The following CEP192 variants were observed in gnomAD, a reference collection of about 807,000 sequenced individuals.
CEP192 encodes centrosomal protein of 192 kDa.
In CEP192, 151 loss-of-function variants were observed where a neutral mutation model predicts 271.8. That is an observed-to-expected ratio of 0.56 (90% CI 0.49 to 0.64). The LOEUF is 0.64. Among genes scored for constraint, CEP192 ranks in the 30% least tolerant of loss-of-function variants. CEP192 has a pLI of 0.00. For missense variants in CEP192, 2,910 were observed against 3,020.5 expected (o/e 0.96, Z 0.86); for synonymous variants, 995 against 1,076.5 (o/e 0.92, Z 1.48).
At chr18:13,057,288 A>G (rs1334981101) in intron 19 of CEP192, among the ~76,000 whole-genome samples, 1 of 151,738 alleles carries the variant, frequency 6.6e-6, no homozygotes, top group Non-Finnish European at 1.5e-5. Context: ...ATGACTTACA[A>G]TTTATGAGAG....
intron 34 of CEP192, 94 bp from the exon 35 acceptor site, chr18:13,095,409 T>C: frequency 1.1e-6 from 1 of 948,868 alleles, no homozygotes; most frequent in South Asian, 1.6e-5. Context: ...ATGAAGAATA[T>C]AAAAATATGT....
At chr18:13,104,950 T>C (rs780023365) in intron 39 of CEP192, 34 bp from the exon 40 acceptor site, 2 of 1,492,108 alleles carry the variant, frequency 1.3e-6, no homozygotes, top group Middle Eastern at 3.4e-4. Context: ...ATTGGCTTTA[T>C]GGTTTTTAAT....
At chr18:13,034,660 C>CA (rs1289765294) in intron 11 of CEP192, among the ~76,000 whole-genome samples, 2 of 149,854 alleles carry the variant, frequency 1.3e-5, no homozygotes, top group Non-Finnish European at 3.0e-5. Context: ...AAAAAAAATA[C>CA]AAAAAATTAG....
chr18:13,015,389 A>C lies in CEP192; in HGVS notation c.581A>C (p.His194Pro), dbSNP rs1391720187. 3.2e-6 allele frequency: 5 copies of C among 1,551,146 alleles called. No homozygotes were observed. Among genetic ancestry groups the C allele is most frequent in the Non-Finnish European group, 4.4e-6 (5 of 1,146,526 alleles). ...AAGACTCTAAAGAGTGACCTAAGCC[A>C]CACTAGCTTATTAGAAAATGAGAAA... ...EDKTLKSDLSHTSLLENEKLI... is the reference protein window; with the variant it reads ...EDKTLKSDLSPTSLLENEKLI... The change falls in exon 6 of 45, where the codon CAC (histidine) becomes CCC (proline). Residue 194 changes from histidine (H) to proline (P), a missense_variant. Physicochemically the swap from His to Pro is moderately conservative, Grantham distance 77. Transcript: ENST00000506447.
At position 13,100,346 on chromosome 18, in the gene CEP192, G is replaced by T; in HGVS notation, c.6705G>T (p.Val2235=). 1 of 1,614,052 alleles carries T rather than the reference G, an allele frequency of 6.2e-7. No homozygotes were observed. The highest frequency in any genetic ancestry group is 1.1e-5 in the South Asian group (1 of 91,068). ...KVQIREDLTQ[V]ELLTRLTSKP... The stretch of plus-strand genomic sequence containing the variant: ...AAATTCGAGAAGATTTAACTCAAGT[G>T]GAACTTTTAACTCGTTTGACCTCCA... The change falls in exon 38 of 45, where the codon GTG becomes GTT. Residue 2235 remains valine (V), a synonymous_variant. Coordinates refer to ENST00000506447, the MANE Select transcript of CEP192 (RefSeq NM_032142.4).
Position 13,017,922 on chromosome 18 carries a change from C to T in CEP192, c.790-558C>T, listed in dbSNP as rs566334971. Among the ~76,000 whole-genome samples the T allele has an allele frequency of 3.3e-5, 5 of 152,194 alleles. No individual in the cohort carries two copies. The East Asian group carries it at 5.8e-4, about 18-fold the overall frequency. On this transcript the variant is annotated intron_variant, in intron 7 of 44. Transcript: ENST00000506447. The stretch of plus-strand genomic sequence containing the variant: ...TTAATTTGGAGTAGTTCTTTCATGA[C>T]GTGATCTATTTTGCAAAATCTAGGC...
chr18:13,076,641 A>T (rs1457526636), intron 30 of CEP192, among the ~76,000 whole-genome samples: 1 of 152,082 alleles, frequency 6.6e-6, no homozygotes, highest in Non-Finnish European at 1.5e-5. Flanking sequence ...TTTGCTATTT[A>T]GTTTCGTTGA....
At chr18:13,019,352 GA>G (rs1395446264) in intron 9 of CEP192, 146 bp downstream of exon 9, 2 of 585,198 alleles carry the variant, frequency 3.4e-6, no homozygotes, top group African/African-American at 3.9e-5. Context: ...ATAATTTTTC[GA>G]TATGTTTATA....
At chr18:13,000,774 G>A (rs558649574) in intron 2 of CEP192, among the ~76,000 whole-genome samples, 4 of 152,302 alleles carry the variant, frequency 2.6e-5, no homozygotes, top group African/African-American at 9.6e-5. Context: ...GGCCAACATG[G>A]CAAAACCCTG....
chr18:13,119,333 A>G (rs758850263), intron 44 of CEP192, among the ~76,000 whole-genome samples: 4 of 152,196 alleles, frequency 2.6e-5, no homozygotes, highest in Admixed American at 6.5e-5. Context: ...TTTGCAGGGT[A>G]TATTTTTAAA....
chr18:13,034,559 G>C (rs923791265), intron 11 of CEP192, among the ~76,000 whole-genome samples: 2 of 152,018 alleles, frequency 1.3e-5, no homozygotes, highest in African/African-American at 4.8e-5. Flanking sequence ...TGTAATCCCA[G>C]CACTTTGGGA....
rs751152559 is a variant in CEP192 at position 13,071,006 on chromosome 18, A to T, written c.5175-33A>T. 3 of 1,578,206 alleles carry T rather than the reference A, an allele frequency of 1.9e-6. No homozygotes were observed. In the Admixed American group the frequency reaches 5.1e-5, roughly 27 times the overall value. On this transcript the variant is annotated intron_variant, in intron 27 of 44. Coordinates refer to ENST00000506447, the MANE Select transcript of CEP192 (RefSeq NM_032142.4). Reference sequence around the variant, plus strand: ...AATAGTTGCGAAAAGAATTGAATACAGGACCTTCAACTTAGAATTCTTTCT... The same window carrying T: ...AATAGTTGCGAAAAGAATTGAATACTGGACCTTCAACTTAGAATTCTTTCT...
intron 2 of CEP192, among the ~76,000 whole-genome samples, chr18:13,000,092 T>TC (rs796978417): frequency 0.022 from 487 of 22,260 alleles, 28 homozygotes; most frequent in African/African-American, 0.12. Context: ...GTCTTCTCTC[T>TC]TTTTTTTTTT....
Position 12,999,440 on chromosome 18 carries a change from G to C in CEP192, c.16G>C (p.Gly6Arg). 2.6e-6 allele frequency: 4 copies of C among 1,545,614 alleles called. No homozygotes were observed. The highest frequency in any genetic ancestry group is 3.5e-6 in the Non-Finnish European group (4 of 1,144,906). Residue 6 changes from glycine (G) to arginine (R), a missense_variant, in exon 2 of 45, where the codon GGT becomes CGT. Gly to Arg is a moderately radical substitution (Grantham distance 125). Coordinates refer to ENST00000506447, the MANE Select transcript of CEP192 (RefSeq NM_032142.4). ...TTGCAGTGAGATGGAAGATTTTCGA[G>C]GTATAGCAGAAGAATCATTTCCAAG... Reference protein sequence around the residue: MEDFRGIAEESFPSFL... With the variant: MEDFRRIAEESFPSFL...
intron 30 of CEP192, among the ~76,000 whole-genome samples, chr18:13,082,199 G>T (rs1286695521): frequency 6.6e-6 from 1 of 152,172 alleles, no homozygotes; most frequent in African/African-American, 2.4e-5. Context: ...AATATTGACA[G>T]TGGGGTGTTA....
At chr18:13,098,922 A>G (rs1408467514) in intron 36 of CEP192, among the ~76,000 whole-genome samples, 1 of 152,194 alleles carries the variant, frequency 6.6e-6, no homozygotes, top group Admixed American at 6.5e-5. Context: ...CTCCGTCTAC[A>G]ATCCCGGCAC....
chr18:12,993,883 T>C (rs1337383858), intron 1 of CEP192, among the ~76,000 whole-genome samples: 1 of 152,242 alleles, frequency 6.6e-6, no homozygotes, highest in Non-Finnish European at 1.5e-5. Flanking sequence ...CTAGGGGTTA[T>C]AGATTCTTTC....
At chr18:12,997,344 C>A (rs1051001162) in intron 1 of CEP192, among the ~76,000 whole-genome samples, 1 of 152,228 alleles carries the variant, frequency 6.6e-6, no homozygotes, top group Middle Eastern at 3.4e-3. Context: ...GTTAAGTTAC[C>A]TTTTAAGGAT....
At chr18:13,064,714 A>G (rs2037598078) in intron 21 of CEP192, among the ~76,000 whole-genome samples, 1 of 151,738 alleles carries the variant, frequency 6.6e-6, no homozygotes, top group Non-Finnish European at 1.5e-5. Context: ...TGCCAGTACC[A>G]TGCTGTTTTG....
Sources: gnomAD v4.1 joint callset for allele counts (sites outside exome capture counted in the v4.1 genomes callset) on GRCh38, gnomAD v4.1.1 for gene constraint, MANE v1.5 for transcripts, NCBI Gene and HGNC (gene_info 2026-07-23, HGNC 2026-07-21) for gene names.